Variants in PECAM1 observed in about 807,000 individuals in gnomAD.
The protein encoded by PECAM1 is platelet endothelial cell adhesion molecule.
A neutral mutation model predicts 13.8 loss-of-function variants in PECAM1; 8 were observed. That is an observed-to-expected ratio of 0.58 (90% confidence interval 0.34 to 1.05). PECAM1 has a LOEUF of 1.05. Among genes scored for constraint, PECAM1 ranks in the 50% least tolerant of loss-of-function variants. PECAM1 has a pLI of 0.03. For synonymous variants in PECAM1, 136 were observed against 52.6 expected (o/e 2.58, Z -6.86); for missense variants, 304 against 141.2 (o/e 2.15, Z -5.84).
rs988306241 is a variant in PECAM1 at position 64,343,912 on chromosome 17, A to C, written c.2108-2222T>G. The stretch of plus-strand genomic sequence containing the variant: ...CCTCTGCTTGATGTCAGGCCTGGCC[A>C]AATCACTCACTCAGCAGAATCCTAG... On this transcript the variant is annotated intron_variant, in intron 13 of 15. Transcript: ENST00000563924. Among the ~76,000 whole-genome samples the C allele has an allele frequency of 1.9e-4, 29 of 152,268 alleles. No individual in the cohort carries two copies. The South Asian group carries it at 5.8e-3, about 30-fold the overall frequency.
intron 13 of PECAM1, among the ~76,000 whole-genome samples, chr17:64,345,319 C>T (rs2035535853): frequency 6.6e-6 from 1 of 152,174 alleles, no homozygotes; most frequent in South Asian, 2.1e-4. Context: ...GCCTCTCAGG[C>T]TGTCCCTCCA....
At chr17:64,327,660 C>T (rs868923877) in intron 15 of PECAM1, among the ~76,000 whole-genome samples, 2 of 152,352 alleles carry the variant, frequency 1.3e-5, no homozygotes, top group Middle Eastern at 3.4e-3. Flanking sequence ...TCCATGCTAT[C>T]TGTCTGCGTC....
At chr17:64,363,049 GC>G in intron 6 of PECAM1, 99 bp downstream of exon 6, 1 of 469,270 alleles carries the variant, frequency 2.1e-6, no homozygotes, top group Non-Finnish European at 3.9e-6. Flanking sequence ...TTCTTACCCT[GC>G]CTGAGTCTGC....
At position 64,322,608 on chromosome 17, in the gene PECAM1, C is replaced by T; in HGVS notation, c.*1208G>A. On this transcript the variant is annotated 3_prime_UTR_variant, in exon 16 of 16. Transcript: ENST00000563924. ...AGTGATTTTGGCTAGGCGTGGTTCT[C>T]ATCTGTGAAATTCCACAGCGCAATG... The T allele has an allele frequency of 2.0e-6, 2 of 985,410 alleles. No individual in the cohort carries two copies. Among genetic ancestry groups the T allele is most frequent in the Non-Finnish European group, 2.4e-6 (2 of 829,910 alleles). The allele number at this position is 985,410 out of a possible 1,614,324, so 61.0% of individuals were successfully genotyped here. A position where few individuals can be genotyped will look rare whatever the true frequency, so the allele number is the denominator to read the frequency against.
chr17:64,321,972 T>G lies in PECAM1; in HGVS notation c.*1844A>C. On this transcript the variant is annotated 3_prime_UTR_variant, in exon 16 of 16. Coordinates refer to ENST00000563924, the MANE Select transcript of PECAM1 (RefSeq NM_000442.5). ...AGGTCGTCTGATCCTTTGACCTCAA[T>G]CTGAGCCCACCACTCAGAAAACCTG... The G allele has an allele frequency of 7.7e-7, 1 of 1,294,454 alleles. No individual in the cohort carries two copies. The highest frequency in any genetic ancestry group is 1.0e-6 in the Non-Finnish European group (1 of 982,688). The allele number at this position is 1,294,454 out of a possible 1,614,324, so 80.2% of individuals were successfully genotyped here.
intron 15 of PECAM1, among the ~76,000 whole-genome samples, chr17:64,324,684 T>C (rs1431682996): frequency 5.9e-5 from 9 of 152,250 alleles, no homozygotes; most frequent in African/African-American, 2.2e-4. Flanking sequence ...TTTAAAATGA[T>C]ATGATTCTAC....
chr17:64,368,711 C>A (rs2036166638), intron 5 of PECAM1, among the ~76,000 whole-genome samples: 1 of 151,452 alleles, frequency 6.6e-6, no homozygotes, highest in African/African-American at 2.4e-5. Context: ...GTTAGCAGGG[C>A]ATGGTGGCGC....
chr17:64,387,534 G>A (rs927092117), intron 2 of PECAM1, among the ~76,000 whole-genome samples: 1 of 152,210 alleles, frequency 6.6e-6, no homozygotes, highest in Admixed American at 6.5e-5. Flanking sequence ...AGAAGTGGTG[G>A]TAGGGGAGAG....
At chr17:64,365,750 T>C (rs2036090171) in intron 5 of PECAM1, among the ~76,000 whole-genome samples, 1 of 151,522 alleles carries the variant, frequency 6.6e-6, no homozygotes, top group African/African-American at 2.4e-5. Flanking sequence ...TAAATGGTGC[T>C]GGGAAAACTG....
chr17:64,353,245 T>C (rs2035767864), intron 10 of PECAM1, among the ~76,000 whole-genome samples: 1 of 151,876 alleles, frequency 6.6e-6, no homozygotes, highest in Non-Finnish European at 1.5e-5. Flanking sequence ...AGGAAGGACA[T>C]GATCTCAGAA....
At chr17:64,334,001 C>T (rs1419468791) in intron 14 of PECAM1, among the ~76,000 whole-genome samples, 2 of 144,752 alleles carry the variant, frequency 1.4e-5, no homozygotes, top group East Asian at 4.2e-4. Flanking sequence ...TTCTACCATA[C>T]ATCTCTAGGC....
In PECAM1 at chr17:64,323,536, C is replaced by T; in HGVS notation, c.*280G>A. 1 of 1,392,006 alleles carries T rather than the reference C, an allele frequency of 7.2e-7. No individual in the cohort carries two copies. The highest frequency in any genetic ancestry group is 1.5e-5 in the South Asian group (1 of 64,978). 86.2% of individuals were successfully genotyped at this position (1,392,006 alleles called of 1,614,324 possible). On this transcript the variant is annotated 3_prime_UTR_variant, in exon 16 of 16. Transcript: ENST00000563924. ...GTTTCAGAATATCCCAATGGCCTTG[C>T]CCTGGATCTCCTCTTGTGCTCTTCC...
At chr17:64,361,226 A>G (rs2035971236) in intron 6 of PECAM1, among the ~76,000 whole-genome samples, 1 of 146,676 alleles carries the variant, frequency 6.8e-6, no homozygotes, top group African/African-American at 2.6e-5. Context: ...GCTGACCACA[A>G]CCTCCACCTC....
chr17:64,386,957 G>T (rs911199044), intron 2 of PECAM1, among the ~76,000 whole-genome samples: 1 of 152,042 alleles, frequency 6.6e-6, no homozygotes, highest in Non-Finnish European at 1.5e-5. Flanking sequence ...AGGGGAGGAG[G>T]GGGGAATGTG....
intron 12 of PECAM1, among the ~76,000 whole-genome samples, chr17:64,349,799 T>A (rs2035672102): frequency 6.6e-6 from 1 of 150,914 alleles, no homozygotes; most frequent in African/African-American, 2.4e-5. Context: ...GCAGGAGAAT[T>A]GCTTGAACCC....
intron 4 of PECAM1, among the ~76,000 whole-genome samples, chr17:64,374,475 C>G (rs1003197280): frequency 2.9e-4 from 44 of 151,772 alleles, no homozygotes; most frequent in Non-Finnish European, 5.6e-4. Context: ...GGCAACAGAG[C>G]AAGACCCTGT....
At position 64,356,220 on chromosome 17, in the gene PECAM1, C is replaced by A. The variant is rs1017439972; in HGVS notation, c.1671G>T (p.Trp557Cys). 1.3e-5 allele frequency: 6 copies of A among 474,718 alleles called. No individual in the cohort carries two copies. The highest frequency in any genetic ancestry group is 2.0e-5 in the African/African-American group (1 of 50,336). The allele number at this position is 474,718 out of a possible 1,614,324, so 29.4% of individuals were successfully genotyped here. A position where few individuals can be genotyped will look rare whatever the true frequency, so the allele number is the denominator to read the frequency against. The change falls in exon 8 of 16, where the codon TGG becomes TGT. Residue 557 changes from tryptophan (W) to cysteine (C), a missense_variant. Transcript: ENST00000563924. ...QMTSNATQAFWTKQKASKEQE... is the reference protein window; with the variant it reads ...QMTSNATQAFCTKQKASKEQE... ...GTTCCTTGCTAGCCTTCTGCTTGGTCCAAAATGCCTGGGTGGCATTTGAGG... is the reference window on the plus strand; with the variant it reads ...GTTCCTTGCTAGCCTTCTGCTTGGTACAAAATGCCTGGGTGGCATTTGAGG...
chr17:64,351,968 T>C (rs958306269), intron 11 of PECAM1, among the ~76,000 whole-genome samples: 5 of 152,244 alleles, frequency 3.3e-5, no homozygotes, highest in Non-Finnish European at 7.3e-5. Context: ...TGAGAGAATA[T>C]TGAAATTGCA....
chr17:64,330,160 C>T (rs782423808), intron 14 of PECAM1, among the ~76,000 whole-genome samples: 3 of 151,840 alleles, frequency 2.0e-5, no homozygotes, highest in East Asian at 2.0e-4. Context: ...GGACTACAGG[C>T]GCACACCACC....
Sources: allele counts gnomAD v4.1 joint callset (sites outside exome capture counted in the v4.1 genomes callset), GRCh38; gene constraint gnomAD v4.1.1; transcripts MANE v1.5; gene names NCBI Gene and HGNC (gene_info 2026-07-23, HGNC 2026-07-21).